Variants in TOGARAM2 observed in about 807,000 individuals in gnomAD.
TOGARAM2 encodes TOG array regulator of axonemal microtubules 2, also known as TOG array regulator of axonemal microtubules protein 2.
In TOGARAM2, 85 loss-of-function variants were observed where a neutral mutation model predicts 93.3. The observed-to-expected ratio is 0.91, with a 90% CI of 0.76 to 1.09. TOGARAM2 has a LOEUF of 1.09. Ranked by LOEUF, TOGARAM2 falls within the 50% of genes least tolerant of loss-of-function variation. The pLI is 0.00. For missense variants in TOGARAM2, 1,277 were observed against 1,334.5 expected (o/e 0.96, Z 0.67); for synonymous variants, 593 against 552.8 (o/e 1.07, Z -1.02).
At chr2:28,958,872 C>T (rs754121959) in intron 1 of TOGARAM2, among the ~76,000 whole-genome samples, 5 of 152,324 alleles carry the variant, frequency 3.3e-5, no homozygotes, top group Non-Finnish European at 7.3e-5. Flanking sequence ...GTTCTGGCCG[C>T]CTCCTGTCTA....
chr2:28,980,681 A>C (rs894144968), upstream of TOGARAM2, among the ~76,000 whole-genome samples: 1 of 152,198 alleles, frequency 6.6e-6, no homozygotes, highest in African/African-American at 2.4e-5. Context: ...ACATTTTCCA[A>C]AAGTTAAGGT....
chr2:29,006,990 C>T lies in TOGARAM2; in HGVS notation c.830+3308C>T, dbSNP rs150093422. Among the ~76,000 whole-genome samples, 124 of 152,298 alleles carry T rather than the reference C, an allele frequency of 8.1e-4. 4 individuals carry two copies. In the East Asian group the frequency reaches 0.022, roughly 27 times the overall value. ...TGGCCCTTGAATTTTTCTTCTTTTT[C>T]TGCATCCTGACTTTATACCTGCTTC... is the stretch of plus-strand genomic sequence containing the variant. On this transcript the variant is annotated intron_variant, in intron 6 of 19. Coordinates refer to ENST00000379558, the MANE Select transcript of TOGARAM2 (RefSeq NM_199280.4).
rs34261417 is a variant in TOGARAM2, at chr2:29,017,820, A to C, written c.1224A>C (p.Thr408=). ...TCCTTCCCCTCCGGGGCAGCGGGAC[A>C]CTGTCTGTGCCCACTAGGCTGAGCG... ...EGLLPLRGSG[T]LSVPTRLSGP... Residue 408 remains threonine, a synonymous_variant, in exon 10 of 20, where the codon ACA becomes ACC. Coordinates refer to ENST00000379558, the MANE Select transcript of TOGARAM2 (RefSeq NM_199280.4). 378,616 of 1,610,562 alleles carry C rather than the reference A, an allele frequency of 0.24. 45,754 individuals are homozygous for C. Among genetic ancestry groups the C allele is most frequent in the African/African-American group, 0.25 (18,607 of 74,898 alleles).
chr2:29,051,439 A>C, intron 19 of TOGARAM2: 5 of 196,354 alleles, frequency 2.5e-5, no homozygotes, highest in Non-Finnish European at 3.1e-5. Flanking sequence ...GGCTGGAGGA[A>C]CCATTATGAT....
At chr2:29,019,810 G>A (rs1471173028) in intron 10 of TOGARAM2, among the ~76,000 whole-genome samples, 1 of 152,164 alleles carries the variant, frequency 6.6e-6, no homozygotes, top group Admixed American at 6.5e-5. Flanking sequence ...TTAACTTGCT[G>A]TATAGTTTGG....
At chr2:29,011,198 T>C (rs1664225189) in intron 6 of TOGARAM2, among the ~76,000 whole-genome samples, 1 of 152,214 alleles carries the variant, frequency 6.6e-6, no homozygotes, top group Non-Finnish European at 1.5e-5. Flanking sequence ...GTCAGCCTCC[T>C]GGGGAATGCG....
At chr2:29,029,691 G>A (rs1665639252) in intron 14 of TOGARAM2, among the ~76,000 whole-genome samples, 2 of 148,018 alleles carry the variant, frequency 1.4e-5, no homozygotes, top group Admixed American at 1.4e-4. Flanking sequence ...GGGAGGCGGA[G>A]CTTGCAGTGA....
intron 3 of TOGARAM2, 111 bp from the exon 4 acceptor site, chr2:28,999,070 C>T (rs1170184991): frequency 8.8e-6 from 10 of 1,139,316 alleles, no homozygotes; most frequent in African/African-American, 1.6e-5. Flanking sequence ...GACTGGGTTT[C>T]ACCAGGCAAG....
At chr2:29,019,177 CTTTT>C (rs61378143) in intron 10 of TOGARAM2, among the ~76,000 whole-genome samples, 12 of 121,696 alleles carry the variant, frequency 9.9e-5, no homozygotes, top group African/African-American at 3.4e-4. Context: ...CCAACTGACT[CTTTT>C]TTTTTTTTTT....
Position 29,045,429 on chromosome 2 carries a change from AC to A in TOGARAM2, c.2722+23del. 1 of 1,106,002 alleles carries A rather than the reference AC, an allele frequency of 9.0e-7. No homozygotes were observed. 68.5% of individuals were successfully genotyped at this position (1,106,002 alleles called of 1,614,324 possible). On this transcript the variant is annotated intron_variant, in intron 19 of 19. Transcript: ENST00000379558. The stretch of plus-strand genomic sequence containing the variant: ...CTGGCAGGTGAGCACCCCCAGCCCC[AC>A]CCCACCCCATCTCCTGGCAGATTTC...
At chr2:29,045,192 T>A in intron 18 of TOGARAM2, 132 bp from the exon 19 acceptor site, 1 of 677,302 alleles carries the variant, frequency 1.5e-6, no homozygotes, top group Non-Finnish European at 2.5e-6. Flanking sequence ...CTTTGTGACC[T>A]GGAAAAATTA....
At position 29,032,998 on chromosome 2, in the gene TOGARAM2, C is replaced by T; in HGVS notation, c.2077C>T (p.Gln693Ter). The T allele has an allele frequency of 6.2e-7, 1 of 1,613,880 alleles. No homozygotes were observed. The highest frequency in any genetic ancestry group is 8.5e-7 in the Non-Finnish European group (1 of 1,179,870). The change falls in exon 15 of 20, where the codon CAA becomes TAA. Residue 693 changes from glutamine (Q) to a stop codon, truncating the protein, a stop_gained. Coordinates refer to ENST00000379558, the MANE Select transcript of TOGARAM2 (RefSeq NM_199280.4). LOFTEE classifies it high-confidence loss of function. ...ANTKFDAFLK[Q>*]SLPSYDLQKV... ...CACTAAGTTTGATGCATTTCTGAAG[C>T]AATCTCTCCCATCTTACGACTTGCA...
intron 1 of TOGARAM2, among the ~76,000 whole-genome samples, chr2:28,961,556 G>C (rs1671805149): frequency 6.6e-6 from 1 of 152,172 alleles, no homozygotes; most frequent in African/African-American, 2.4e-5. Context: ...GGCCAGGCTG[G>C]TCTCGAACTC....
chr2:28,993,438 C>T (rs1394090741), intron 1 of TOGARAM2, among the ~76,000 whole-genome samples: 1 of 152,168 alleles, frequency 6.6e-6, no homozygotes, highest in Non-Finnish European at 1.5e-5. Flanking sequence ...TGAGCCTCTT[C>T]CCTAGCTCAG....
intron 14 of TOGARAM2, among the ~76,000 whole-genome samples, chr2:29,027,780 C>G (rs1665500814): frequency 6.6e-6 from 1 of 152,026 alleles, no homozygotes; most frequent in African/African-American, 2.4e-5. Flanking sequence ...GAGTTGAGAG[C>G]TGAACGGCTA....
At chr2:29,004,548 A>G (rs1314923006) in intron 6 of TOGARAM2, among the ~76,000 whole-genome samples, 1 of 152,210 alleles carries the variant, frequency 6.6e-6, no homozygotes, top group Non-Finnish European at 1.5e-5. Flanking sequence ...GTCCAGAGTG[A>G]TGTCAGAGCA....
intron 3 of TOGARAM2, 68 bp from the exon 4 acceptor site, chr2:28,999,113 A>C (rs1234784799): frequency 1.3e-6 from 2 of 1,489,356 alleles, no homozygotes; most frequent in African/African-American, 2.8e-5. Context: ...AATGTCAAGG[A>C]GCTTGCTGGT....
At chr2:29,005,945 ATG>A (rs1382527893) in intron 6 of TOGARAM2, among the ~76,000 whole-genome samples, 2 of 121,708 alleles carry the variant, frequency 1.6e-5, no homozygotes, top group Admixed American at 8.6e-5. Context: ...TGTGTGGGGT[ATG>A]TGTGCATATG....
chr2:28,977,324 G>A (rs894373444), upstream of TOGARAM2, among the ~76,000 whole-genome samples: 3 of 152,168 alleles, frequency 2.0e-5, no homozygotes, highest in Admixed American at 6.5e-5. Context: ...ACAGAGATGG[G>A]GGAGGCGCCT....
Sources: gnomAD v4.1 joint callset for allele counts (sites outside exome capture counted in the v4.1 genomes callset) on GRCh38, gnomAD v4.1.1 for gene constraint, MANE v1.5 for transcripts, NCBI Gene and HGNC (gene_info 2026-07-23, HGNC 2026-07-21) for gene names.